Variants in TOP6BL observed in about 807,000 individuals in gnomAD.
TOP6BL encodes type 2 DNA topoisomerase 6 subunit B-like.
the TOP6BL span, among the ~76,000 whole-genome samples, chr11:66,793,155 T>C: frequency 6.6e-6 from 1 of 151,938 alleles, no homozygotes; most frequent in Non-Finnish European, 1.5e-5. Context: ...TGGCACGATC[T>C]CAGCTCACTG....
chr11:66,810,592 A>G, the TOP6BL span, among the ~76,000 whole-genome samples: 1,648 of 152,270 alleles, frequency 0.011, 37 homozygotes, highest in African/African-American at 0.037. Context: ...TCCATATGTT[A>G]CAAGAGAAAA....
At chr11:66,758,458 C>A in the TOP6BL span, 1 of 151,848 alleles carries the variant, frequency 6.6e-6, no homozygotes, top group Non-Finnish European at 1.5e-5. Context: ...ACTGCAGGCA[C>A]CCGCCACCAC....
the TOP6BL span, chr11:66,758,296 C>CTTTTTTTTTTTT: frequency 1.7e-5 from 1 of 57,396 alleles, no homozygotes; most frequent in African/African-American, 6.9e-5. Flanking sequence ...CTGGTATTTT[C>CTTTTTTTTTTTT]TTTTTCTTTT....
chr11:66,787,159 C>T, the TOP6BL span, among the ~76,000 whole-genome samples: 2 of 151,752 alleles, frequency 1.3e-5, no homozygotes, highest in Admixed American at 1.3e-4. Flanking sequence ...GTCTCGAACT[C>T]CTGACCTCAG....
the TOP6BL span, chr11:66,828,478 T>G: frequency 1.4e-6 from 1 of 713,890 alleles, no homozygotes; most frequent in Non-Finnish European, 2.3e-6. Context: ...GAGGTCAGCC[T>G]TTCAGCAAGG....
the TOP6BL span, among the ~76,000 whole-genome samples, chr11:66,761,367 C>T: frequency 1.7e-4 from 25 of 147,776 alleles, no homozygotes; most frequent in East Asian, 4.0e-4. Flanking sequence ...CGAGAGACTC[C>T]GTCTCAAAAA....
the TOP6BL span, chr11:66,804,218 A>T: frequency 6.4e-7 from 1 of 1,554,642 alleles, no homozygotes; most frequent in Non-Finnish European, 8.7e-7. Flanking sequence ...AGTTCCATCC[A>T]ATTATCTTTG....
chr11:66,801,331 T>G, the TOP6BL span, among the ~76,000 whole-genome samples: 1 of 152,246 alleles, frequency 6.6e-6, no homozygotes, highest in Admixed American at 6.5e-5. Flanking sequence ...CCTTCTTCTC[T>G]TCAGGCCTTA....
At chr11:66,761,733 G>A in the TOP6BL span, 3 of 784,054 alleles carry the variant, frequency 3.8e-6, no homozygotes, top group African/African-American at 5.1e-5. Context: ...GCCCAGTCCA[G>A]GGAATCTGTG....
chr11:66,758,176 C>T, the TOP6BL span: 1 of 977,276 alleles, frequency 1.0e-6, no homozygotes, highest in Non-Finnish European at 1.2e-6. Flanking sequence ...ATCTTTTTGT[C>T]CCCTCGTTGG....
chr11:66,796,694 G>A, the TOP6BL span, among the ~76,000 whole-genome samples: 21 of 151,070 alleles, frequency 1.4e-4, no homozygotes, highest in Admixed American at 1.4e-3. Flanking sequence ...GAGGTGAGAG[G>A]ATTGCTTGAG....
At chr11:66,827,981 A>AT in the TOP6BL span, among the ~76,000 whole-genome samples, 1 of 150,658 alleles carries the variant, frequency 6.6e-6, no homozygotes, top group Non-Finnish European at 1.5e-5. Flanking sequence ...AAAAAAAAAA[A>AT]AAAAAAAAAA....
chr11:66,802,639 T>C, the TOP6BL span, among the ~76,000 whole-genome samples: 1 of 152,160 alleles, frequency 6.6e-6, no homozygotes, highest in African/African-American at 2.4e-5. Flanking sequence ...TCTATTTATG[T>C]GCCCAGAGGC....
chr11:66,797,509 C>CTT, the TOP6BL span, among the ~76,000 whole-genome samples: 1 of 148,974 alleles, frequency 6.7e-6, no homozygotes, highest in Non-Finnish European at 1.5e-5. Flanking sequence ...CAAATAAGGA[C>CTT]TTTTTTTTTT....
the TOP6BL span, chr11:66,796,157 C>A: frequency 1.5e-6 from 1 of 670,862 alleles, no homozygotes; most frequent in South Asian, 2.0e-5. Flanking sequence ...AAAGATGTCT[C>A]CCTTTGGTTG....
At chr11:66,813,841 G>T in the TOP6BL span, 8 of 1,608,384 alleles carry the variant, frequency 5.0e-6, no homozygotes, top group Non-Finnish European at 6.8e-6. Flanking sequence ...ACTAAAATTT[G>T]GCAGTTTTCT....
At chr11:66,808,812 A>T in the TOP6BL span, among the ~76,000 whole-genome samples, 9 of 152,210 alleles carry the variant, frequency 5.9e-5, no homozygotes, top group African/African-American at 2.2e-4. Context: ...TACAGAAGAG[A>T]GGGGTTAACA....
At chr11:66,836,173 A>G in the TOP6BL span, among the ~76,000 whole-genome samples, 1 of 152,138 alleles carries the variant, frequency 6.6e-6, no homozygotes, top group African/African-American at 2.4e-5. Flanking sequence ...GGCCATTTGT[A>G]TATCTTCTTT....
the TOP6BL span, among the ~76,000 whole-genome samples, chr11:66,819,905 A>T: frequency 0.016 from 4 of 248 alleles, no homozygotes; most frequent in Non-Finnish European, 0.33. Flanking sequence ...CTCTTGTCTT[A>T]AAAAAAAAAA....
Sources: gnomAD v4.1 joint callset for allele counts (sites outside exome capture counted in the v4.1 genomes callset) on GRCh38, gnomAD v4.1.1 for gene constraint, MANE v1.5 for transcripts, NCBI Gene and HGNC (gene_info 2026-07-23, HGNC 2026-07-21) for gene names.